The following IL1RAPL2 variants were observed in gnomAD, a reference collection of about 807,000 sequenced individuals.
IL1RAPL2 encodes the protein interleukin 1 receptor accessory protein like 2.
In IL1RAPL2, 3 loss-of-function variants were observed where a neutral mutation model predicts 44.1. The observed-to-expected ratio is 0.07, with a 90% CI of 0.03 to 0.18. The LOEUF (loss-of-function observed/expected upper bound fraction) is 0.18. IL1RAPL2 is among the 10% of genes least tolerant of loss of function. IL1RAPL2 has a pLI of 1.00. For synonymous variants in IL1RAPL2, 181 were observed against 178.8 expected, an observed-to-expected ratio of 1.01 and a Z score of -0.10; for missense variants, 391 against 496.4, an observed-to-expected ratio of 0.79 and a Z score of 2.02.
At chrX:105,497,238 A>T (rs920535449) in intron 6 of IL1RAPL2, among the ~76,000 whole-genome samples, 1 of 111,211 alleles carries the variant, frequency 9.0e-6, no homozygotes, top group Admixed American at 9.7e-5. Flanking sequence ...ATTATGAACA[A>T]TTATAAAAAC....
intron 3 of IL1RAPL2, among the ~76,000 whole-genome samples, chrX:105,231,477 A>G (rs1556195643): frequency 9.0e-6 from 1 of 111,545 alleles, no homozygotes; most frequent in Admixed American, 9.6e-5. Flanking sequence ...TATATACCAT[A>G]TGGGACTGAT....
At chrX:104,621,971 A>T (rs1388879072) in intron 1 of IL1RAPL2, among the ~76,000 whole-genome samples, 1 of 111,170 alleles carries the variant, frequency 9.0e-6, no homozygotes, top group African/African-American at 3.3e-5. Flanking sequence ...TCATGTAAAG[A>T]CATTCTGGCT....
chrX:104,574,818 CTTGT>C (rs750167193), intron 1 of IL1RAPL2, among the ~76,000 whole-genome samples: 3 of 111,782 alleles, frequency 2.7e-5, no homozygotes, highest in Non-Finnish European at 3.8e-5. Context: ...AATTTTTTCA[CTTGT>C]TTATGTATTT....
chrX:105,402,936 C>T (rs745394934), intron 5 of IL1RAPL2, among the ~76,000 whole-genome samples: 1 of 111,909 alleles, frequency 8.9e-6, no homozygotes, highest in Non-Finnish European at 1.9e-5. Context: ...TTTTATTTAT[C>T]TTTCTCTTAT....
chrX:105,010,905 T>C (rs1357082143), intron 2 of IL1RAPL2, among the ~76,000 whole-genome samples: 1 of 111,499 alleles, frequency 9.0e-6, no homozygotes, highest in Non-Finnish European at 1.9e-5. Context: ...GTAGAGACTA[T>C]AGGAAGTAGA....
chrX:104,981,684 G>A (rs942517484), intron 2 of IL1RAPL2, among the ~76,000 whole-genome samples: 4 of 110,901 alleles, frequency 3.6e-5, no homozygotes, highest in South Asian at 3.8e-4. Flanking sequence ...TCCAGCTTTT[G>A]CCCACTCAGT....
chrX:104,642,193 T>C (rs1929948417), intron 1 of IL1RAPL2, among the ~76,000 whole-genome samples: 1 of 111,927 alleles, frequency 8.9e-6, no homozygotes, highest in Non-Finnish European at 1.9e-5. Flanking sequence ...ATGTTTCTTG[T>C]CACTTCTCTG....
intron 2 of IL1RAPL2, among the ~76,000 whole-genome samples, chrX:104,849,737 A>G (rs1445869272): frequency 9.0e-6 from 1 of 111,376 alleles, no homozygotes; most frequent in Non-Finnish European, 1.9e-5. Flanking sequence ...AATTTTGAAT[A>G]TATTTTAATT....
chrX:105,488,166 C>T (rs766732677), intron 6 of IL1RAPL2, among the ~76,000 whole-genome samples: 109 of 112,072 alleles, frequency 9.7e-4, no homozygotes, highest in Non-Finnish European at 4.3e-4. Context: ...TCATTCTTCT[C>T]CCGTTGAATC....
chrX:104,848,011 T>G (rs1922104599), intron 2 of IL1RAPL2, among the ~76,000 whole-genome samples: 1 of 110,415 alleles, frequency 9.1e-6, no homozygotes, highest in Non-Finnish European at 1.9e-5. Context: ...TATTGGTGTA[T>G]AAGAATGCTT....
chrX:104,630,575 G>A (rs1929620149), intron 1 of IL1RAPL2, among the ~76,000 whole-genome samples: 2 of 110,718 alleles, frequency 1.8e-5, no homozygotes, highest in South Asian at 3.9e-4. Context: ...TGGGATTACA[G>A]GCCTGAGCCA....
chrX:105,189,742 C>T (rs782357244), intron 2 of IL1RAPL2, among the ~76,000 whole-genome samples: 15 of 111,625 alleles, frequency 1.3e-4, no homozygotes, highest in African/African-American at 3.6e-4. Context: ...CATTACCTTA[C>T]GGCTATTCTT....
intron 2 of IL1RAPL2, among the ~76,000 whole-genome samples, chrX:105,190,235 G>T (rs187893157): frequency 4.5e-5 from 5 of 111,733 alleles, no homozygotes; most frequent in Admixed American, 2.9e-4. Context: ...GTGGGGGGAT[G>T]GGGGTGTAGC....
chrX:105,624,117 T>G (rs1003172436), intron 6 of IL1RAPL2, among the ~76,000 whole-genome samples: 1 of 111,016 alleles, frequency 9.0e-6, no homozygotes, highest in African/African-American at 3.3e-5. Flanking sequence ...AGAAGAACTT[T>G]ACCTGGTCAA....
At chrX:105,635,234 G>A (rs2037515430) in intron 6 of IL1RAPL2, among the ~76,000 whole-genome samples, 2 of 111,670 alleles carry the variant, frequency 1.8e-5, no homozygotes, top group Non-Finnish European at 3.8e-5. Context: ...GAAAGACGAT[G>A]AGCATGGCTG....
intron 10 of IL1RAPL2, among the ~76,000 whole-genome samples, chrX:105,764,126 A>G (rs1020937837): frequency 5.4e-5 from 6 of 111,549 alleles, no homozygotes; most frequent in Non-Finnish European, 9.4e-5. Context: ...TAGAGTATGC[A>G]GGAGACAGGG....
intron 5 of IL1RAPL2, among the ~76,000 whole-genome samples, chrX:105,462,645 T>C (rs1292128451): frequency 9.0e-6 from 1 of 111,380 alleles, no homozygotes; most frequent in Non-Finnish European, 1.9e-5. Flanking sequence ...GGGGTCCTAA[T>C]GTTTGTTCTC....
At chrX:104,719,927 G>T (rs1293430871) in intron 2 of IL1RAPL2, among the ~76,000 whole-genome samples, 2 of 111,020 alleles carry the variant, frequency 1.8e-5, no homozygotes, top group Non-Finnish European at 3.8e-5. Flanking sequence ...GGTCACAAAG[G>T]TCATTGGATA....
chrX:104,884,941 C>T (rs1462641546), intron 2 of IL1RAPL2, among the ~76,000 whole-genome samples: 2 of 111,095 alleles, frequency 1.8e-5, no homozygotes, highest in Admixed American at 9.6e-5. Flanking sequence ...TCGGTTATGT[C>T]CCCTTCAAGC....
Sources: gnomAD v4.1 joint callset for allele counts (sites outside exome capture counted in the v4.1 genomes callset) on GRCh38, gnomAD v4.1.1 for gene constraint, MANE v1.5 for transcripts, NCBI Gene and HGNC (gene_info 2026-07-23, HGNC 2026-07-21) for gene names.